SLC9C2: variants seen among roughly 807,000 people sequenced by gnomAD.
SLC9C2 encodes the protein sodium/hydrogen exchanger 11.
In SLC9C2, 75 loss-of-function variants were observed where a neutral mutation model predicts 140.2. The observed-to-expected ratio is 0.53, with a 90% CI of 0.44 to 0.65. The LOEUF (loss-of-function observed/expected upper bound fraction) is 0.65, where lower values mean the gene tolerates loss of function less well. Among genes scored for constraint, SLC9C2 ranks in the 30% least tolerant of loss-of-function variants. SLC9C2 has a pLI of 0.00. For missense variants in SLC9C2, 1,074 were observed against 1,331.8 expected, an observed-to-expected ratio of 0.81 and a Z score of 3.01; for synonymous variants, 375 against 420.9, an observed-to-expected ratio of 0.89 and a Z score of 1.34.
chr1:173,556,590 T>C (rs1663717448), intron 10 of SLC9C2, among the ~76,000 whole-genome samples: 1 of 152,124 alleles, frequency 6.6e-6, no homozygotes, highest in African/African-American at 2.4e-5. Context: ...AAGAGTATCA[T>C]TTTTTCATGC....
intron 9 of SLC9C2, among the ~76,000 whole-genome samples, chr1:173,564,954 CTT>C (rs1185973713): frequency 7.2e-6 from 1 of 138,612 alleles, no homozygotes; most frequent in African/African-American, 2.7e-5. Flanking sequence ...TTTCTTTTTT[CTT>C]TTTTTCTTTT....
intron 11 of SLC9C2, among the ~76,000 whole-genome samples, chr1:173,551,190 C>A (rs1275879423): frequency 5.9e-5 from 9 of 152,144 alleles, no homozygotes; most frequent in African/African-American, 2.2e-4. Context: ...GAACAACTCT[C>A]CTTCAACATT....
At chr1:173,550,440 A>ATTTT (rs1304209360) in intron 11 of SLC9C2, among the ~76,000 whole-genome samples, 12 of 124,240 alleles carry the variant, frequency 9.7e-5, no homozygotes, top group African/African-American at 4.4e-4. Flanking sequence ...TTATTTATTT[A>ATTTT]TTTATTTATT....
At chr1:173,517,405 C>T (rs981277713) in intron 23 of SLC9C2, 132 bp downstream of exon 23, 11 of 808,672 alleles carry the variant, frequency 1.4e-5, no homozygotes, top group Admixed American at 3.2e-5. Flanking sequence ...CTAAATCTGC[C>T]TTTTCAGCTA....
At position 173,513,844 on chromosome 1, in the gene SLC9C2, T is replaced by A. The variant is rs371151126; in HGVS notation, c.2907+3693A>T. Among the ~76,000 whole-genome samples, 21 of 152,366 alleles carry A rather than the reference T, an allele frequency of 1.4e-4. No homozygotes were observed. In the East Asian group the frequency reaches 3.9e-3, roughly 28 times the overall value. On this transcript the variant is annotated intron_variant, in intron 23 of 27. Transcript: ENST00000367714. ...TTTAGCTGTGTCCCAGAGATTCTGGTATGTTGTCTCTTTGTTCTCATTGGT... is the reference window on the plus strand; with the variant it reads ...TTTAGCTGTGTCCCAGAGATTCTGGAATGTTGTCTCTTTGTTCTCATTGGT...
chr1:173,576,674 GT>G lies in SLC9C2; in HGVS notation c.888del (p.Glu296AspfsTer3), dbSNP rs1194464830. 1 of 1,610,452 alleles carries G rather than the reference GT, an allele frequency of 6.2e-7. No individual in the cohort carries two copies. The highest frequency in any genetic ancestry group is 8.5e-7 in the Non-Finnish European group (1 of 1,178,224). Reference protein sequence around the residue: ...LDSLTFKPKIELVITKFLRIF... With the variant: ...LDSLTFKPKIXLVITKFLRIF... Reference sequence around the variant, plus strand: ...TAGGAAACTTACTTAGTAATTACAAGTTCGATCTTCGGTTTAAAAGTTAAAG... The same window carrying G: ...TAGGAAACTTACTTAGTAATTACAAGTCGATCTTCGGTTTAAAAGTTAAAG... On this transcript the variant is annotated frameshift_variant, in exon 8 of 28. Transcript: ENST00000367714. LOFTEE classifies it high-confidence loss of function.
Position 173,562,755 on chromosome 1 carries a change from G to A in SLC9C2, c.1047-5247C>T, listed in dbSNP as rs554380986. Among the ~76,000 whole-genome samples the A allele has an allele frequency of 4.4e-4, 67 of 152,054 alleles. No homozygotes were observed. In the South Asian group the frequency reaches 0.011, roughly 25 times the overall value. On this transcript the variant is annotated intron_variant, in intron 9 of 27. Coordinates refer to ENST00000367714, the MANE Select transcript of SLC9C2 (RefSeq NM_178527.4). ...CATTTTAAATCACATTCTTAGAAGT[G>A]GAATACAAACATTTATAAGATTCTT...
chr1:173,533,249 C>T (rs1307390551), intron 17 of SLC9C2, among the ~76,000 whole-genome samples: 6 of 152,052 alleles, frequency 3.9e-5, no homozygotes, highest in Admixed American at 3.3e-4. Context: ...AATTTTAATA[C>T]TTTATTTTAT....
At chr1:173,512,238 T>A (rs745397122) in intron 23 of SLC9C2, among the ~76,000 whole-genome samples, 5 of 152,264 alleles carry the variant, frequency 3.3e-5, no homozygotes, top group Non-Finnish European at 7.3e-5. Context: ...TAAATAACTT[T>A]GGGCAGTATG....
chr1:173,531,199 C>T (rs1352755402), intron 17 of SLC9C2, among the ~76,000 whole-genome samples: 2 of 152,060 alleles, frequency 1.3e-5, no homozygotes, highest in Non-Finnish European at 2.9e-5. Flanking sequence ...TTAAACAGTT[C>T]CTGGAAAATA....
chr1:173,591,482 C>T (rs1666158147), intron 4 of SLC9C2, among the ~76,000 whole-genome samples: 1 of 152,074 alleles, frequency 6.6e-6, no homozygotes. Context: ...AACTAATTTA[C>T]ACTCCCACCA....
At chr1:173,513,791 G>C (rs1160107912) in intron 23 of SLC9C2, among the ~76,000 whole-genome samples, 1 of 152,188 alleles carries the variant, frequency 6.6e-6, no homozygotes, top group African/African-American at 2.4e-5. Context: ...TGGGCATTTA[G>C]TGCTATAAAT....
chr1:173,572,982 T>G (rs1664933580), intron 9 of SLC9C2, among the ~76,000 whole-genome samples, 200 bp downstream of exon 9: 1 of 152,222 alleles, frequency 6.6e-6, no homozygotes, highest in South Asian at 2.1e-4. Flanking sequence ...CGCCGATCCC[T>G]CTCATTTTAT....
chr1:173,565,580 T>C (rs1664417168), intron 9 of SLC9C2, among the ~76,000 whole-genome samples: 2 of 152,254 alleles, frequency 1.3e-5, no homozygotes. Flanking sequence ...TCTGTTTTTA[T>C]GCCATTCCCA....
At chr1:173,525,459 C>T (rs966988904) in intron 19 of SLC9C2, among the ~76,000 whole-genome samples, 108 of 152,174 alleles carry the variant, frequency 7.1e-4, no homozygotes, top group Non-Finnish European at 7.3e-5. Context: ...ATCGAAGGTA[C>T]ACACTCTTTT....
chr1:173,544,188 G>T (rs956888490), intron 13 of SLC9C2, among the ~76,000 whole-genome samples: 3 of 152,300 alleles, frequency 2.0e-5, no homozygotes, highest in African/African-American at 7.2e-5. Flanking sequence ...CCATCAAAAA[G>T]TGGGCAAAGG....
Position 173,524,065 on chromosome 1 carries a change from A to G in SLC9C2, c.2544T>C (p.Asn848=), listed in dbSNP as rs770850323. The G allele has an allele frequency of 3.4e-5, 55 of 1,612,076 alleles. No homozygotes were observed. Among genetic ancestry groups the G allele is most frequent in the Non-Finnish European group, 4.6e-5 (54 of 1,179,400 alleles). The change falls in exon 21 of 28, where the codon AAT becomes AAC. Residue 848 remains asparagine (N), a synonymous_variant. Transcript: ENST00000367714. ...KVLLKKLKAL[N]NFPKAIPPPT... The stretch of plus-strand genomic sequence containing the variant: ...GGGGTGGGATTGCCTTTGGAAAGTT[A>G]TTTAGTGCTTTTAATTTTTTAAGAA...
rs770896955 is a variant in SLC9C2, at chr1:173,524,772, A to G, written c.2514+7T>C. 6.2e-7 allele frequency: 1 copy of G among 1,613,508 alleles called. No homozygotes were observed. Among genetic ancestry groups the G allele is most frequent in the South Asian group, 1.1e-5 (1 of 91,018 alleles). On this transcript the variant is annotated splice_region_variant and intron_variant, in intron 20 of 27. Transcript: ENST00000367714. ...GGTGTTATGCGGACAGAATCAAGCA[A>G]AATTACCTTATTTATCTCAATGACT...
chr1:173,587,562 C>A, intron 5 of SLC9C2, 103 bp downstream of exon 5: 1 of 1,137,264 alleles, frequency 8.8e-7, no homozygotes, highest in Non-Finnish European at 1.2e-6. Context: ...AGCACAGAGT[C>A]TTATTCTTCT....
Sources: gnomAD v4.1 joint callset for allele counts (sites outside exome capture counted in the v4.1 genomes callset) on GRCh38, gnomAD v4.1.1 for gene constraint, MANE v1.5 for transcripts, NCBI Gene and HGNC (gene_info 2026-07-23, HGNC 2026-07-21) for gene names.